The following TRPC7 variants were observed in gnomAD, a reference collection of about 807,000 sequenced individuals.
The protein encoded by TRPC7 is transient receptor potential cation channel subfamily C member 7.
TRPC7 carries 42 observed loss-of-function variants against 90.1 expected under a neutral mutation model. The ratio of observed to expected loss-of-function variants is 0.47; its 90% CI spans 0.36 to 0.60. TRPC7 has a LOEUF of 0.60. Ranked by LOEUF, TRPC7 falls within the 20% of genes least tolerant of loss-of-function variation. The probability of loss-of-function intolerance (pLI) is 0.00; values close to 1 mark genes in which losing one functional copy is unlikely to be tolerated. For synonymous variants in TRPC7, 451 were observed against 436.3 expected, an observed-to-expected ratio of 1.03 and a Z score of -0.42; for missense variants, 955 against 1,112.3, an observed-to-expected ratio of 0.86 and a Z score of 2.01.
intron 2 of TRPC7, among the ~76,000 whole-genome samples, chr5:136,339,282 A>G (rs1405215260): frequency 6.6e-6 from 1 of 152,192 alleles, no homozygotes; most frequent in Non-Finnish European, 1.5e-5. Context: ...CCCTTCCTGA[A>G]ACTAACCCCC....
intron 2 of TRPC7, among the ~76,000 whole-genome samples, chr5:136,329,807 G>A (rs3756694): frequency 6.6e-6 from 1 of 152,054 alleles, no homozygotes; most frequent in Non-Finnish European, 1.5e-5. Context: ...ATGCTGCTTG[G>A]TTCTCTCTCG....
At chr5:136,256,876 T>C (rs1756702679) in intron 5 of TRPC7, among the ~76,000 whole-genome samples, 2 of 152,242 alleles carry the variant, frequency 1.3e-5, no homozygotes, top group Non-Finnish European at 2.9e-5. Context: ...TTGTGTTTCT[T>C]CCTTTCTTTT....
chr5:136,299,580 T>C (rs1758307139), intron 3 of TRPC7, among the ~76,000 whole-genome samples: 1 of 152,132 alleles, frequency 6.6e-6, no homozygotes, highest in Non-Finnish European at 1.5e-5. Flanking sequence ...GGCAGATGAA[T>C]GTTAATAAAA....
intron 3 of TRPC7, among the ~76,000 whole-genome samples, chr5:136,305,133 T>A (rs1758567735): frequency 6.6e-6 from 1 of 152,198 alleles, no homozygotes; most frequent in Non-Finnish European, 1.5e-5. Context: ...GTCCCACAAT[T>A]ACCATTGTTC....
intron 5 of TRPC7, among the ~76,000 whole-genome samples, chr5:136,263,971 C>A (rs1331532148): frequency 1.3e-5 from 2 of 152,120 alleles, no homozygotes; most frequent in Admixed American, 6.5e-5. Flanking sequence ...TTTGCATTTC[C>A]TTAAAATTAT....
At chr5:136,354,923 C>T (rs1760313860) in intron 2 of TRPC7, among the ~76,000 whole-genome samples, 1 of 152,204 alleles carries the variant, frequency 6.6e-6, no homozygotes, top group Non-Finnish European at 1.5e-5. Context: ...CTCATTAAGG[C>T]CCAACCCAAT....
rs931827965 is a variant in TRPC7, at chr5:136,219,845, C to T, written c.2344-3570G>A. ...TGCATGCTGCACAACTTGGTATCTG[C>T]AAAAACCAGTTTTGCCACCAGAAAG... On this transcript the variant is annotated intron_variant, in intron 10 of 11. Transcript: ENST00000513104. Among the ~76,000 whole-genome samples the T allele has an allele frequency of 5.9e-5, 9 of 152,180 alleles. No homozygotes were observed. The East Asian group carries it at 7.7e-4, about 13-fold the overall frequency.
chr5:136,286,325 G>A (rs1757716639), intron 3 of TRPC7, among the ~76,000 whole-genome samples: 1 of 152,104 alleles, frequency 6.6e-6, no homozygotes, highest in African/African-American at 2.4e-5. Context: ...GTGGAAGCTG[G>A]GATAACTCTC....
At chr5:136,325,820 T>TG (rs545103749) in intron 2 of TRPC7, among the ~76,000 whole-genome samples, 1 of 152,148 alleles carries the variant, frequency 6.6e-6, no homozygotes, top group East Asian at 1.9e-4. Flanking sequence ...CACCTGGGTC[T>TG]GGGGGCCGAA....
intron 5 of TRPC7, 65 bp downstream of exon 5, chr5:136,266,155 T>TC: frequency 6.9e-7 from 1 of 1,438,924 alleles, no homozygotes; most frequent in East Asian, 2.3e-5. Context: ...AATTCAGAAA[T>TC]CAGAGTTTAA....
chr5:136,285,918 T>C (rs1032328398), intron 3 of TRPC7, among the ~76,000 whole-genome samples: 12 of 152,206 alleles, frequency 7.9e-5, no homozygotes, highest in Non-Finnish European at 1.2e-4. Context: ...TTGTGTCCCC[T>C]ACTCAGTTCC....
At chr5:136,354,193 A>G (rs922519842) in intron 2 of TRPC7, among the ~76,000 whole-genome samples, 1 of 152,242 alleles carries the variant, frequency 6.6e-6, no homozygotes, top group Non-Finnish European at 1.5e-5. Context: ...AGCAACAAGC[A>G]AAGTTCAACC....
intron 5 of TRPC7, among the ~76,000 whole-genome samples, chr5:136,259,114 T>C (rs2149809223): frequency 6.6e-6 from 1 of 152,368 alleles, no homozygotes; most frequent in South Asian, 2.1e-4. Context: ...AATTATTGAG[T>C]ACCTTCTAGG....
intron 3 of TRPC7, among the ~76,000 whole-genome samples, chr5:136,313,373 G>A (rs1758899452): frequency 5.4e-5 from 5 of 92,922 alleles, no homozygotes; most frequent in Non-Finnish European, 1.1e-4. Context: ...CTCAGGAGAT[G>A]TCTGTCTATC....
At chr5:136,354,279 T>C (rs1207416360) in intron 2 of TRPC7, among the ~76,000 whole-genome samples, 1 of 152,194 alleles carries the variant, frequency 6.6e-6, no homozygotes, top group African/African-American at 2.4e-5. Flanking sequence ...AAAAAGAGGC[T>C]ATATTCCTTA....
chr5:136,312,447 A>G (rs1384653241), intron 3 of TRPC7, among the ~76,000 whole-genome samples: 1 of 152,184 alleles, frequency 6.6e-6, no homozygotes, highest in Admixed American at 6.5e-5. Flanking sequence ...TATAGTTTCT[A>G]GAGCATTTCC....
At chr5:136,346,670 C>T (rs1220489799) in intron 2 of TRPC7, among the ~76,000 whole-genome samples, 1 of 152,170 alleles carries the variant, frequency 6.6e-6, no homozygotes, top group African/African-American at 2.4e-5. Flanking sequence ...TCCGGACTGA[C>T]CTCTTAGTTA....
At chr5:136,269,306 T>C (rs1453680800) in intron 4 of TRPC7, among the ~76,000 whole-genome samples, 2 of 152,182 alleles carry the variant, frequency 1.3e-5, no homozygotes, top group African/African-American at 4.8e-5. Context: ...CTGAGAAATA[T>C]ATGAATGTCA....
At chr5:136,300,202 C>T (rs1160222889) in intron 3 of TRPC7, among the ~76,000 whole-genome samples, 1 of 152,202 alleles carries the variant, frequency 6.6e-6, no homozygotes, top group Non-Finnish European at 1.5e-5. Flanking sequence ...ATTTACAGTA[C>T]CATCTGCACA....
Sources: gnomAD v4.1 joint callset for allele counts (sites outside exome capture counted in the v4.1 genomes callset) on GRCh38, gnomAD v4.1.1 for gene constraint, MANE v1.5 for transcripts, NCBI Gene and HGNC (gene_info 2026-07-23, HGNC 2026-07-21) for gene names.